The following BLTP1 variants were observed in gnomAD, a reference collection of about 807,000 sequenced individuals.
BLTP1 encodes bridge-like lipid transfer protein family member 1, also known as fragile site-associated protein.
the BLTP1 span, chr4:122,333,648 A>T: frequency 6.2e-7 from 1 of 1,602,940 alleles, no homozygotes; most frequent in Non-Finnish European, 8.5e-7. Flanking sequence ...TCGAAGTTCC[A>T]GGAGCTTAGA....
the BLTP1 span, chr4:122,198,480 C>T: frequency 1.0e-6 from 1 of 965,506 alleles, no homozygotes; most frequent in Non-Finnish European, 1.2e-6. Flanking sequence ...TGCCTTTTCA[C>T]AACTGATGAT....
the BLTP1 span, among the ~76,000 whole-genome samples, chr4:122,222,586 A>G: frequency 5.9e-5 from 9 of 152,130 alleles, no homozygotes; most frequent in African/African-American, 1.9e-4. Context: ...CTGTAGGGGA[A>G]GATCCTTCCT....
the BLTP1 span, among the ~76,000 whole-genome samples, chr4:122,184,236 C>T: frequency 4.6e-5 from 7 of 152,238 alleles, no homozygotes; most frequent in East Asian, 9.7e-4. Context: ...CTGAAAAGAA[C>T]GTGGCTCTTA....
At chr4:122,211,034 T>C in the BLTP1 span, 1 of 1,609,694 alleles carries the variant, frequency 6.2e-7, no homozygotes, top group Non-Finnish European at 8.5e-7. Context: ...GAAATGGAAC[T>C]TTCTCCAGAT....
At chr4:122,283,909 C>T in the BLTP1 span, among the ~76,000 whole-genome samples, 1 of 152,154 alleles carries the variant, frequency 6.6e-6, no homozygotes, top group Non-Finnish European at 1.5e-5. Flanking sequence ...GGAGAAATGA[C>T]AACTAAACAA....
chr4:122,248,141 T>C, the BLTP1 span: 10 of 984,396 alleles, frequency 1.0e-5, no homozygotes, highest in Non-Finnish European at 1.2e-5. Context: ...TCATCCCAGG[T>C]GTGAGGCTGA....
the BLTP1 span, among the ~76,000 whole-genome samples, chr4:122,234,442 A>G: frequency 6.6e-6 from 1 of 152,010 alleles, no homozygotes; most frequent in Admixed American, 6.6e-5. Flanking sequence ...AGTGTTTTTG[A>G]GAATGTTTAC....
At chr4:122,325,203 GTTTTATAACTT>G in the BLTP1 span, 1 of 1,570,732 alleles carries the variant, frequency 6.4e-7, no homozygotes, top group Non-Finnish European at 8.7e-7. Flanking sequence ...GAATATTGGT[GTTTTATAACTT>G]TATATTTACT....
chr4:122,293,469 T>C, the BLTP1 span, among the ~76,000 whole-genome samples: 7 of 152,188 alleles, frequency 4.6e-5, no homozygotes, highest in East Asian at 1.4e-3. Context: ...TGTGACTGTG[T>C]GACCCTGCCA....
the BLTP1 span, among the ~76,000 whole-genome samples, chr4:122,232,489 C>T: frequency 1.3e-5 from 2 of 152,124 alleles, no homozygotes; most frequent in African/African-American, 4.8e-5. Context: ...ATAACGTAGT[C>T]CCAGCTACTT....
the BLTP1 span, chr4:122,289,265 C>T: frequency 1.9e-6 from 2 of 1,070,328 alleles, no homozygotes; most frequent in South Asian, 3.4e-5. Context: ...TCCCATATAT[C>T]TGTGGTATAA....
the BLTP1 span, chr4:122,182,710 G>A: frequency 9.5e-5 from 94 of 985,068 alleles, no homozygotes; most frequent in Non-Finnish European, 1.1e-4. Context: ...ATCAAAGTTA[G>A]AAGTTCTCAG....
chr4:122,239,990 T>C, the BLTP1 span: 15 of 1,614,016 alleles, frequency 9.3e-6, no homozygotes, highest in South Asian at 1.4e-4. Context: ...TATATCACAG[T>C]GTAGAAGGGC....
At chr4:122,331,305 G>A in the BLTP1 span, 1 of 1,598,734 alleles carries the variant, frequency 6.3e-7, no homozygotes, top group Non-Finnish European at 8.5e-7. Context: ...ACAATGTAAT[G>A]ATCAATTGTT....
the BLTP1 span, among the ~76,000 whole-genome samples, chr4:122,329,621 G>A: frequency 6.7e-6 from 1 of 149,880 alleles, no homozygotes; most frequent in Non-Finnish European, 1.5e-5. Context: ...TACTTTTTAT[G>A]TTTTACGTTG....
the BLTP1 span, chr4:122,328,879 C>G: frequency 7.6e-5 from 36 of 473,926 alleles, no homozygotes; most frequent in Non-Finnish European, 9.6e-5. Flanking sequence ...ATCTTTGGAA[C>G]TGGTCTATTT....
chr4:122,297,520 G>A, the BLTP1 span, among the ~76,000 whole-genome samples: 1 of 152,004 alleles, frequency 6.6e-6, no homozygotes, highest in African/African-American at 2.4e-5. Flanking sequence ...AAATCTGGAA[G>A]CAAAAATACC....
At chr4:122,270,647 G>GA in the BLTP1 span, among the ~76,000 whole-genome samples, 1 of 85,442 alleles carries the variant, frequency 1.2e-5, no homozygotes, top group Non-Finnish European at 3.0e-5. Flanking sequence ...GATTGTAGGA[G>GA]GGGGGGATGG....
the BLTP1 span, chr4:122,343,681 A>G: frequency 1.1e-5 from 17 of 1,522,574 alleles, no homozygotes; most frequent in Non-Finnish European, 1.5e-5. Flanking sequence ...TTATTTTCAT[A>G]AATCATAAGG....
Sources: allele counts gnomAD v4.1 joint callset (sites outside exome capture counted in the v4.1 genomes callset), GRCh38; gene constraint gnomAD v4.1.1; transcripts MANE v1.5; gene names NCBI Gene and HGNC (gene_info 2026-07-23, HGNC 2026-07-21).